The following TXNDC16 variants were observed in gnomAD, a reference collection of about 807,000 sequenced individuals.
TXNDC16 encodes the protein thioredoxin domain-containing protein 16.
A neutral mutation model predicts 85.6 loss-of-function variants in TXNDC16; 74 were observed. The observed-to-expected ratio is 0.86, with a 90% CI of 0.72 to 1.05. The LOEUF is 1.05. Among genes scored for constraint, TXNDC16 ranks in the 50% least tolerant of loss-of-function variants. The pLI is 0.00. For missense variants in TXNDC16, 959 were observed against 947.0 expected, an observed-to-expected ratio of 1.01 and a Z score of -0.17; for synonymous variants, 335 against 326.5, an observed-to-expected ratio of 1.03 and a Z score of -0.28.
At chr14:52,501,053 T>C (rs1037538794) in intron 9 of TXNDC16, among the ~76,000 whole-genome samples, 16 of 152,184 alleles carry the variant, frequency 1.1e-4, no homozygotes, top group Admixed American at 6.5e-4. Flanking sequence ...CTGTGTTCAC[T>C]GTTGGGAACC....
intron 18 of TXNDC16, among the ~76,000 whole-genome samples, chr14:52,441,242 T>C (rs773627678): frequency 1.3e-5 from 2 of 152,210 alleles, no homozygotes; most frequent in African/African-American, 2.4e-5. Flanking sequence ...CTTGTTTCTT[T>C]TGAGTTTAAA....
At chr14:52,480,980 T>TATACAC (rs1555336885) in intron 14 of TXNDC16, among the ~76,000 whole-genome samples, 9 of 63,864 alleles carry the variant, frequency 1.4e-4, no homozygotes, top group African/African-American at 6.4e-4. Context: ...TATATGTATA[T>TATACAC]ATATATATAT....
In TXNDC16 at chr14:52,482,717, G is replaced by A. The variant is rs529611769; in HGVS notation, c.1252+105C>T. 53 of 1,045,612 alleles carry A rather than the reference G, an allele frequency of 5.1e-5. 1 individual carries two copies. Among genetic ancestry groups the A allele is most frequent in the East Asian group, 3.9e-4 (15 of 38,086 alleles). 64.8% of individuals were successfully genotyped at this position (1,045,612 alleles called of 1,614,324 possible). On this transcript the variant is annotated intron_variant, in intron 13 of 20. Transcript: ENST00000281741. ...TGCACACAGTCTACTTGAGACATAC[G>A]AAAGCAATTTCATTTTACAACATGC...
chr14:52,509,583 G>GTATA (rs60251850), intron 9 of TXNDC16, among the ~76,000 whole-genome samples: 5 of 151,610 alleles, frequency 3.3e-5, no homozygotes, highest in African/African-American at 7.3e-5. Flanking sequence ...CATGGCACAT[G>GTATA]TATATATATG....
At position 52,537,591 on chromosome 14, in the gene TXNDC16, T is replaced by G. The variant is rs1212088130; in HGVS notation, c.317+8A>C. ...TATTTGTCCAGCACACTCAGGAAAA[T>G]AGCTTACTTGAATAAATATGCTTTC... On this transcript the variant is annotated splice_region_variant and intron_variant, in intron 5 of 20. Transcript: ENST00000281741. 1.3e-6 allele frequency: 2 copies of G among 1,562,940 alleles called. No individual in the cohort carries two copies. The highest frequency in any genetic ancestry group is 8.8e-7 in the Non-Finnish European group (1 of 1,135,854).
Position 52,440,581 on chromosome 14 carries a change from A to G in TXNDC16, c.1986T>C (p.Thr662=), listed in dbSNP as rs758740718. ...LVKQKYLDSF[T]PCWLNLKNTP... ...ATACTTACAGATTTAACCAGCATGG[A>G]GTAAATGAATCCAAGTATTTCTGCT... Residue 662 remains threonine (T), a synonymous_variant, in exon 19 of 21, where the codon ACT becomes ACC. Coordinates refer to ENST00000281741, the MANE Select transcript of TXNDC16 (RefSeq NM_020784.3). 6.2e-7 allele frequency: 1 copy of G among 1,604,888 alleles called. No homozygotes were observed. Among genetic ancestry groups the G allele is most frequent in the South Asian group, 1.1e-5 (1 of 88,772 alleles).
At chr14:52,485,358 A>G (rs930561180) in intron 12 of TXNDC16, among the ~76,000 whole-genome samples, 1 of 152,240 alleles carries the variant, frequency 6.6e-6, no homozygotes, top group African/African-American at 2.4e-5. Context: ...TGTTATCACA[A>G]AACAGTCAAA....
At chr14:52,483,509 C>T (rs543334314) in intron 12 of TXNDC16, among the ~76,000 whole-genome samples, 2 of 152,102 alleles carry the variant, frequency 1.3e-5, no homozygotes, top group African/African-American at 2.4e-5. Flanking sequence ...ATAACATATA[C>T]GAAAGCTCTG....
chr14:52,551,639 G>A (rs2038051355), intron 1 of TXNDC16, among the ~76,000 whole-genome samples: 1 of 151,934 alleles, frequency 6.6e-6, no homozygotes, highest in African/African-American at 2.4e-5. Flanking sequence ...TGCACTACTT[G>A]CTAATCTTAT....
intron 12 of TXNDC16, among the ~76,000 whole-genome samples, chr14:52,486,625 A>C (rs983408457): frequency 1.3e-5 from 2 of 152,088 alleles, no homozygotes; most frequent in African/African-American, 4.8e-5. Context: ...GATGGTAATA[A>C]ATTCTTTCCT....
At chr14:52,544,693 C>T (rs544509448) in intron 1 of TXNDC16, among the ~76,000 whole-genome samples, 1 of 151,018 alleles carries the variant, frequency 6.6e-6, no homozygotes, top group South Asian at 2.1e-4. Context: ...TCTAACAAGC[C>T]GGTGTTCCTG....
chr14:52,502,418 T>C (rs555719266), intron 9 of TXNDC16, among the ~76,000 whole-genome samples: 3 of 152,342 alleles, frequency 2.0e-5, no homozygotes, highest in East Asian at 1.9e-4. Flanking sequence ...ACCATTGACA[T>C]TGTATTTTAT....
intron 19 of TXNDC16, among the ~76,000 whole-genome samples, chr14:52,440,055 T>C (rs936353756): frequency 6.6e-6 from 1 of 152,200 alleles, no homozygotes; most frequent in South Asian, 2.1e-4. Flanking sequence ...ATTTCTGTTA[T>C]TTTTCAAATG....
Position 52,440,591 on chromosome 14 carries a change from T to C in TXNDC16, c.1976A>G (p.Asp659Gly). Residue 659 changes from aspartate (D) to glycine (G), a missense_variant, in exon 19 of 21, where the codon GAT (aspartate) becomes GGT (glycine). Asp to Gly is a moderately conservative substitution (Grantham distance 94). Transcript: ENST00000281741. The stretch of plus-strand genomic sequence containing the variant: ...ATTTAACCAGCATGGAGTAAATGAA[T>C]CCAAGTATTTCTGCTTTACCAGTGT... ...ILTLVKQKYLDSFTPCWLNLK... is the reference protein window; with the variant it reads ...ILTLVKQKYLGSFTPCWLNLK... 6.2e-7 allele frequency: 1 copy of C among 1,606,530 alleles called. No individual in the cohort carries two copies. Among genetic ancestry groups the C allele is most frequent in the Non-Finnish European group, 8.5e-7 (1 of 1,177,672 alleles).
rs1389793991 is a variant in TXNDC16, at chr14:52,530,421, TTA to T, written c.392+6296_392+6297del. The stretch of plus-strand genomic sequence containing the variant: ...TATAATATATAATTATTATATAATA[TTA>T]TATATAATAATATATAATATATTAT... On this transcript the variant is annotated intron_variant, in intron 6 of 20. Transcript: ENST00000281741. 2.4e-4 allele frequency among the ~76,000 whole-genome samples: 4 copies of T among 16,360 alleles called. 1 individual carries two copies. Among genetic ancestry groups the T allele is most frequent in the African/African-American group, 6.5e-4 (2 of 3,068 alleles). 10.7% of individuals were successfully genotyped at this position (16,360 alleles called of 152,430 possible). A position where few individuals can be genotyped will look rare whatever the true frequency, so the allele number is the denominator to read the frequency against.
chr14:52,517,660 A>G (rs987960012), intron 7 of TXNDC16, among the ~76,000 whole-genome samples: 12 of 151,466 alleles, frequency 7.9e-5, no homozygotes, highest in Non-Finnish European at 1.8e-4. Context: ...TGTTCGCTAC[A>G]TTCCATCCTC....
At chr14:52,541,290 T>C (rs2037826219) in intron 4 of TXNDC16, among the ~76,000 whole-genome samples, 1 of 152,124 alleles carries the variant, frequency 6.6e-6, no homozygotes, top group Non-Finnish European at 1.5e-5. Context: ...GGCAACAGCT[T>C]GGGCATGAAC....
chr14:52,495,461 C>T (rs1265293200), intron 9 of TXNDC16, among the ~76,000 whole-genome samples: 1 of 152,152 alleles, frequency 6.6e-6, no homozygotes, highest in African/African-American at 2.4e-5. Context: ...TCACCTTAGC[C>T]TCATTCTGTT....
chr14:52,504,920 C>T (rs1326590327), intron 9 of TXNDC16, among the ~76,000 whole-genome samples: 1 of 152,078 alleles, frequency 6.6e-6, no homozygotes, highest in Non-Finnish European at 1.5e-5. Flanking sequence ...GGGTTGCAAT[C>T]CTAGACTCTG....
Sources: gnomAD v4.1 joint callset for allele counts (sites outside exome capture counted in the v4.1 genomes callset) on GRCh38, gnomAD v4.1.1 for gene constraint, MANE v1.5 for transcripts, NCBI Gene and HGNC (gene_info 2026-07-23, HGNC 2026-07-21) for gene names.